PCDHGB5: variants seen among roughly 807,000 people sequenced by gnomAD.
PCDHGB5 encodes the protein protocadherin gamma subfamily B, 5, also known as protocadherin gamma-B5.
In PCDHGB5, 48 loss-of-function variants were observed where a neutral mutation model predicts 62.9. The observed-to-expected ratio is 0.76, with a 90% confidence interval of 0.61 to 0.97. The LOEUF (loss-of-function observed/expected upper bound fraction) is 0.97, where lower values mean the gene tolerates loss of function less well. Ranked by LOEUF, PCDHGB5 falls within the 50% of genes least tolerant of loss-of-function variation. PCDHGB5 has a pLI of 0.00. For missense variants in PCDHGB5, 1,118 were observed against 1,198.6 expected, an observed-to-expected ratio of 0.93 and a Z score of 0.99; for synonymous variants, 474 against 511.2, an observed-to-expected ratio of 0.93 and a Z score of 0.98.
chr5:141,421,379 A>G, intron 1 of PCDHGB5: 1 of 1,614,054 alleles, frequency 6.2e-7, no homozygotes, highest in Non-Finnish European at 8.5e-7. Flanking sequence ...AATATCTCCA[A>G]GGACCTGGGG....
chr5:141,419,700 C>T, intron 1 of PCDHGB5: 2 of 1,612,974 alleles, frequency 1.2e-6, no homozygotes, highest in Non-Finnish European at 1.7e-6. Context: ...GCCAGTGAGC[C>T]CGGGCTCTTC....
intron 1 of PCDHGB5, chr5:141,419,517 G>A: frequency 6.2e-7 from 1 of 1,612,224 alleles, no homozygotes; most frequent in South Asian, 1.1e-5. Context: ...GTGTTGGTGG[G>A]CGACCGTAAC....
chr5:141,463,615 A>G (rs1336539466), intron 1 of PCDHGB5, among the ~76,000 whole-genome samples: 1 of 151,408 alleles, frequency 6.6e-6, no homozygotes, highest in Admixed American at 6.6e-5. Context: ...TGCCCGGCTA[A>G]TTTTTTGTAT....
Position 141,415,348 on chromosome 5 carries a change from A to G in PCDHGB5, c.2397+14824A>G, listed in dbSNP as rs561851810. ...GGCGCACAGGCTGCGGCGCTGGCAC[A>G]AGTCACGCCTGCTGCAGGCTTCAGG... On this transcript the variant is annotated intron_variant, in intron 1 of 3. Transcript: ENST00000617380. The G allele has an allele frequency of 3.1e-6, 5 of 1,614,222 alleles. 1 individual carries two copies. The highest frequency in any genetic ancestry group is 1.6e-4 in the Middle Eastern group (1 of 6,062).
At position 141,413,426 on chromosome 5, in the gene PCDHGB5, G is replaced by T. The variant is rs138985917; in HGVS notation, c.2397+12902G>T. On this transcript the variant is annotated intron_variant, in intron 1 of 3. Transcript: ENST00000617380. Reference sequence around the variant, plus strand: ...ACGCAGCTTTTCTCTCTGAACCCGCGCAGCGGCAGCTTGATCACCGCGGGC... The same window carrying T: ...ACGCAGCTTTTCTCTCTGAACCCGCTCAGCGGCAGCTTGATCACCGCGGGC... 776 of 1,614,090 alleles carry T rather than the reference G, an allele frequency of 4.8e-4. 5 individuals carry two copies. The African/African-American group carries it at 9.2e-3, about 19-fold the overall frequency.
chr5:141,511,328 A>G lies in PCDHGB5; in HGVS notation c.*155A>G. On this transcript the variant is annotated 3_prime_UTR_variant, in exon 4 of 4. Transcript: ENST00000617380. Reference sequence around the variant, plus strand: ...CCTTGGGAAACAGAAACAAGTGCCCAGTCAGCACCTACCCCTTCCCCCCCA... The same window carrying G: ...CCTTGGGAAACAGAAACAAGTGCCCGGTCAGCACCTACCCCTTCCCCCCCA... The G allele has an allele frequency of 6.9e-7, 1 of 1,456,862 alleles. No individual in the cohort carries two copies. Among genetic ancestry groups the G allele is most frequent in the Non-Finnish European group, 9.1e-7 (1 of 1,093,622 alleles). 90.2% of individuals were successfully genotyped at this position (1,456,862 alleles called of 1,614,324 possible).
At position 141,497,103 on chromosome 5, in the gene PCDHGB5, T is replaced by C. The variant is rs182534106; in HGVS notation, c.2456+2238T>C. On this transcript the variant is annotated intron_variant, in intron 2 of 3. Transcript: ENST00000617380. ...ACTTAGGAGGCTGAGGCAGAACTGC[T>C]TGAACCCGGAAGGCAGAGGTTGCAG... Among the ~76,000 whole-genome samples, 34 of 152,160 alleles carry C rather than the reference T, an allele frequency of 2.2e-4. 1 individual carries two copies. Among genetic ancestry groups the C allele is most frequent in the Admixed American group, 6.6e-4 (10 of 15,264 alleles).
At chr5:141,472,369 G>A (rs1194465676) in intron 1 of PCDHGB5, among the ~76,000 whole-genome samples, 2 of 151,770 alleles carry the variant, frequency 1.3e-5, no homozygotes, top group Admixed American at 6.6e-5. Flanking sequence ...GTGAAACCCC[G>A]TCTCCACTAA....
chr5:141,409,820 C>T (rs1276944982), intron 1 of PCDHGB5: 4 of 1,610,926 alleles, frequency 2.5e-6, no homozygotes, highest in Non-Finnish European at 3.4e-6. Flanking sequence ...CCACGGCTCG[C>T]CCACGCTCAG....
At position 141,432,759 on chromosome 5, in the gene PCDHGB5, G is replaced by T. The variant is rs768949018; in HGVS notation, c.2397+32235G>T. On this transcript the variant is annotated intron_variant, in intron 1 of 3. Transcript: ENST00000617380. The surrounding 1 kb of genome is among the most constrained non-coding windows in gnomAD (Gnocchi z 6.0). ...ACGCTCACCGTGGCCGTGGCCGACA[G>T]CATCCCCCAAGTCCTGGCGGACCTC... is the stretch of plus-strand genomic sequence containing the variant. The T allele has an allele frequency of 6.2e-6, 10 of 1,614,032 alleles. No homozygotes were observed. The highest frequency in any genetic ancestry group is 7.6e-6 in the Non-Finnish European group (9 of 1,180,014).
At chr5:141,423,303 G>C (rs779246046) in intron 1 of PCDHGB5, 2 of 1,614,172 alleles carry the variant, frequency 1.2e-6, no homozygotes, top group Non-Finnish European at 1.7e-6. Flanking sequence ...ACCTCTCGCT[G>C]TACTTGGTGG....
intron 1 of PCDHGB5, chr5:141,426,610 C>G (rs1376781969): frequency 2.6e-6 from 1 of 382,832 alleles, no homozygotes; most frequent in Non-Finnish European, 5.3e-6. Context: ...GAGATTGTAG[C>G]AGAGAATCCT....
intron 1 of PCDHGB5, among the ~76,000 whole-genome samples, chr5:141,466,627 C>G (rs1448245449): frequency 6.6e-6 from 1 of 152,154 alleles, no homozygotes; most frequent in African/African-American, 2.4e-5. Flanking sequence ...TTCTTTGGAG[C>G]ATTGTCTCCA....
At chr5:141,419,584 C>T in intron 1 of PCDHGB5, 1 of 1,611,798 alleles carries the variant, frequency 6.2e-7, no homozygotes, top group Non-Finnish European at 8.5e-7. Context: ...CCGCGCTCTT[C>T]GACACAGTGC....
intron 1 of PCDHGB5, chr5:141,423,216 G>A (rs376530221): frequency 1.2e-6 from 2 of 1,613,632 alleles, no homozygotes; most frequent in African/African-American, 2.7e-5. Flanking sequence ...CGCTCACCGT[G>A]GCTGTGGCCG....
At chr5:141,474,557 G>T (rs1261720500) in intron 1 of PCDHGB5, among the ~76,000 whole-genome samples, 2 of 152,184 alleles carry the variant, frequency 1.3e-5, no homozygotes, top group Admixed American at 1.3e-4. Context: ...AAAACTGGGG[G>T]TTTTCAGAGA....
chr5:141,477,992 G>T lies in PCDHGB5; in HGVS notation c.2398-16815G>T. The T allele has an allele frequency of 6.2e-7, 1 of 1,614,108 alleles. No individual in the cohort carries two copies. Among genetic ancestry groups the T allele is most frequent in the Non-Finnish European group, 8.5e-7 (1 of 1,180,024 alleles). On this transcript the variant is annotated intron_variant, in intron 1 of 3. Transcript: ENST00000617380. The surrounding 1 kb of genome is among the most constrained non-coding windows in gnomAD (Gnocchi z 4.9). Reference sequence around the variant, plus strand: ...CCTTTTTGCCATAGGGCTGCACACTGGTCAAATCAGTACTGCCCGTCCAGT... The same window carrying T: ...CCTTTTTGCCATAGGGCTGCACACTTGTCAAATCAGTACTGCCCGTCCAGT...
chr5:141,478,322 C>A, intron 1 of PCDHGB5: 3 of 1,613,976 alleles, frequency 1.9e-6, no homozygotes, highest in Non-Finnish European at 2.5e-6. Context: ...CTCACTGTAC[C>A]GAACACCAGG....
chr5:141,440,959 G>A (rs1313315196), intron 1 of PCDHGB5: 1 of 152,216 alleles, frequency 6.6e-6, no homozygotes, highest in Non-Finnish European at 1.5e-5. Flanking sequence ...TCAAGGCAGA[G>A]ATCACATATG....
Sources: gnomAD v4.1 joint callset for allele counts (sites outside exome capture counted in the v4.1 genomes callset) on GRCh38, gnomAD v4.1.1 for gene constraint, Gnocchi (gnomAD v3.1) non-coding constraint, MANE v1.5 for transcripts, NCBI Gene and HGNC (gene_info 2026-07-23, HGNC 2026-07-21) for gene names.